Variants in UBE2E1 observed in about 807,000 individuals in gnomAD.
The protein encoded by UBE2E1 is ubiquitin-conjugating enzyme E2 E1.
Under a neutral mutation model 21.4 loss-of-function variants are expected in UBE2E1, and 6 were observed. That is an observed-to-expected ratio of 0.28 (90% CI 0.15 to 0.55). The LOEUF (loss-of-function observed/expected upper bound fraction) is 0.55, where lower values mean the gene tolerates loss of function less well. Ranked by LOEUF, UBE2E1 falls within the 20% of genes least tolerant of loss-of-function variation. UBE2E1 has a pLI of 0.93. For synonymous variants in UBE2E1, 87 were observed against 82.7 expected, an observed-to-expected ratio of 1.05 and a Z score of -0.28; for missense variants, 142 against 236.5, an observed-to-expected ratio of 0.60 and a Z score of 2.62.
chr3:23,843,431 G>C (rs1377011271), intron 3 of UBE2E1, among the ~76,000 whole-genome samples: 2 of 152,180 alleles, frequency 1.3e-5, no homozygotes, highest in East Asian at 3.8e-4. Context: ...TCTCAGTTCT[G>C]AGTTTGCTTG....
intron 3 of UBE2E1, among the ~76,000 whole-genome samples, chr3:23,877,976 C>T (rs1333342364): frequency 1.3e-5 from 2 of 152,116 alleles, no homozygotes; most frequent in Admixed American, 1.3e-4. Flanking sequence ...GCTACCCTGC[C>T]CCTGCCTCTG....
intron 3 of UBE2E1, among the ~76,000 whole-genome samples, chr3:23,817,122 T>G (rs1699539261): frequency 6.6e-6 from 1 of 152,170 alleles, no homozygotes; most frequent in South Asian, 2.1e-4. Flanking sequence ...TAAATTCCTG[T>G]CACAAACTTT....
At chr3:23,868,680 T>G (rs975302732) in intron 3 of UBE2E1, among the ~76,000 whole-genome samples, 1 of 152,166 alleles carries the variant, frequency 6.6e-6, no homozygotes, top group Non-Finnish European at 1.5e-5. Context: ...TACCTTTATT[T>G]TGTCCTTCAG....
intron 3 of UBE2E1, among the ~76,000 whole-genome samples, chr3:23,851,258 A>G (rs774399754): frequency 2.0e-5 from 3 of 152,170 alleles, no homozygotes; most frequent in African/African-American, 4.8e-5. Flanking sequence ...CTTTGTATCT[A>G]TCCTTTTGCT....
intron 3 of UBE2E1, among the ~76,000 whole-genome samples, chr3:23,817,827 A>G (rs181023476): frequency 5.9e-5 from 9 of 152,340 alleles, no homozygotes; most frequent in African/African-American, 2.2e-4. Flanking sequence ...AGTAATAGAT[A>G]AAGCTTGTGT....
In UBE2E1 at chr3:23,869,351, C is replaced by CTTTT. The variant is rs58059005; in HGVS notation, c.204-18195_204-18192dup. 7.3e-3 allele frequency among the ~76,000 whole-genome samples: 828 copies of CTTTT among 114,166 alleles called. 7 individuals carry two copies. Among genetic ancestry groups the CTTTT allele is most frequent in the Non-Finnish European group, 7.7e-3 (471 of 61,436 alleles). 74.9% of individuals were successfully genotyped at this position (114,166 alleles called of 152,430 possible). Reference sequence around the variant, plus strand: ...ACCTTTTTATAAACTTTATGGTATCCTTTTTTTTTTTTTTTTTTTTTTTTA... The same window carrying CTTTT: ...ACCTTTTTATAAACTTTATGGTATCCTTTTTTTTTTTTTTTTTTTTTTTTTTTTA... On this transcript the variant is annotated intron_variant, in intron 3 of 5. Transcript: ENST00000306627.
At chr3:23,879,928 C>T (rs1267258141) in intron 3 of UBE2E1, among the ~76,000 whole-genome samples, 1 of 152,202 alleles carries the variant, frequency 6.6e-6, no homozygotes, top group African/African-American at 2.4e-5. Flanking sequence ...TGTAAAAATT[C>T]ATTTGATAGA....
chr3:23,826,525 A>G (rs1165330808), intron 3 of UBE2E1, among the ~76,000 whole-genome samples: 1 of 152,240 alleles, frequency 6.6e-6, no homozygotes, highest in Non-Finnish European at 1.5e-5. Flanking sequence ...AGAGTTGGGC[A>G]GCTTGGAAAC....
intron 3 of UBE2E1, among the ~76,000 whole-genome samples, chr3:23,877,213 A>T (rs1408281612): frequency 1.3e-5 from 2 of 152,182 alleles, no homozygotes; most frequent in Admixed American, 1.3e-4. Context: ...CGGCACTTTG[A>T]ATATCAGTCT....
intron 3 of UBE2E1, among the ~76,000 whole-genome samples, chr3:23,839,079 C>A (rs1405439128): frequency 6.6e-6 from 1 of 152,052 alleles, no homozygotes; most frequent in Non-Finnish European, 1.5e-5. Context: ...AGCATTAGTG[C>A]TGTTATTGTC....
intron 3 of UBE2E1, among the ~76,000 whole-genome samples, chr3:23,814,773 G>A (rs963740036): frequency 2.6e-5 from 4 of 152,128 alleles, no homozygotes; most frequent in African/African-American, 4.8e-5. Flanking sequence ...CTGTAGACAC[G>A]AATATCTGTA....
intron 3 of UBE2E1, chr3:23,879,155 A>C: frequency 1.5e-6 from 1 of 682,766 alleles, no homozygotes; most frequent in Non-Finnish European, 2.5e-6. Flanking sequence ...TAGTTATTTT[A>C]TGAAGTTAAG....
Position 23,836,086 on chromosome 3 carries a change from T to C in UBE2E1, c.203+24576T>C, listed in dbSNP as rs537273468. 3.9e-5 allele frequency among the ~76,000 whole-genome samples: 6 copies of C among 152,358 alleles called. No individual in the cohort carries two copies. The highest frequency in any genetic ancestry group is 8.8e-5 in the Non-Finnish European group (6 of 68,032). ...GTTGATGTTAAGATTACGATTTTTC[T>C]GTTAAATAGGACATTTGGAACAAGA... On this transcript the variant is annotated intron_variant, in intron 3 of 5. Coordinates refer to ENST00000306627, the MANE Select transcript of UBE2E1 (RefSeq NM_003341.5). This position sits in a 1 kb window ranked among gnomAD's most constrained non-coding sequence, Gnocchi z 4.1.
chr3:23,810,460 A>G lies in UBE2E1; in HGVS notation c.153-1000A>G. ...AGGTCTCCAGTCTATCCCCAGTGTG[A>G]GCTAGAGAGCGGACCATGAAGGAAG... On this transcript the variant is annotated intron_variant, in intron 2 of 5. Transcript: ENST00000306627. This position sits in a 1 kb window ranked among gnomAD's most constrained non-coding sequence, Gnocchi z 5.8. The G allele has an allele frequency of 1.3e-6, 2 of 1,535,694 alleles. No individual in the cohort carries two copies. The highest frequency in any genetic ancestry group is 1.7e-6 in the Non-Finnish European group (2 of 1,146,620).
intron 3 of UBE2E1, among the ~76,000 whole-genome samples, chr3:23,843,274 A>G (rs1332641460): frequency 6.6e-6 from 1 of 152,174 alleles, no homozygotes; most frequent in Non-Finnish European, 1.5e-5. Context: ...TGTTGACTGC[A>G]GGACATACAG....
intron 3 of UBE2E1, among the ~76,000 whole-genome samples, chr3:23,862,571 C>T (rs1338379628): frequency 6.6e-6 from 1 of 152,158 alleles, no homozygotes; most frequent in South Asian, 2.1e-4. Flanking sequence ...TAATATTAAG[C>T]TAATATGTTA....
chr3:23,838,915 CTT>C (rs1393997563), intron 3 of UBE2E1, among the ~76,000 whole-genome samples: 1 of 142,524 alleles, frequency 7.0e-6, no homozygotes, highest in Non-Finnish European at 1.5e-5. Context: ...ATTAATTTCT[CTT>C]CTGTATTACC....
chr3:23,864,302 T>C (rs1421926219), intron 3 of UBE2E1, among the ~76,000 whole-genome samples: 1 of 152,100 alleles, frequency 6.6e-6, no homozygotes, highest in Non-Finnish European at 1.5e-5. Context: ...TGTAGGTCAG[T>C]TTTCCTCCAA....
chr3:23,860,478 A>G (rs1040813633), intron 3 of UBE2E1, among the ~76,000 whole-genome samples: 3 of 152,240 alleles, frequency 2.0e-5, no homozygotes, highest in Non-Finnish European at 4.4e-5. Flanking sequence ...TGAGAGAGGT[A>G]CAATTAGTAG....
Sources: gnomAD v4.1 joint callset for allele counts (sites outside exome capture counted in the v4.1 genomes callset) on GRCh38, gnomAD v4.1.1 for gene constraint, Gnocchi (gnomAD v3.1) non-coding constraint, MANE v1.5 for transcripts, NCBI Gene and HGNC (gene_info 2026-07-23, HGNC 2026-07-21) for gene names.